Variants in LRFN2 observed in about 807,000 individuals in gnomAD.
LRFN2 encodes the protein leucine-rich repeat and fibronectin type-III domain-containing protein 2.
LRFN2 carries 18 observed loss-of-function variants against 37.3 expected under a neutral mutation model. The observed-to-expected ratio is 0.48, with a 90% CI of 0.33 to 0.72. The LOEUF is 0.72. LRFN2 is among the 30% of genes least tolerant of loss of function. The pLI, the probability that LRFN2 is intolerant of heterozygous loss-of-function variation, is 0.02. For synonymous variants in LRFN2, 556 were observed against 466.6 expected (o/e 1.19, Z -2.47); for missense variants, 1,006 against 1,060.7 (o/e 0.95, Z 0.72).
chr6:40,566,979 G>T (rs1767102322), intron 1 of LRFN2, among the ~76,000 whole-genome samples: 2 of 152,306 alleles, frequency 1.3e-5, no homozygotes, highest in East Asian at 1.9e-4. Context: ...ACCACTTAAA[G>T]TATGTTGACA....
chr6:40,408,693 G>T (rs985395436), intron 2 of LRFN2, among the ~76,000 whole-genome samples: 6 of 152,198 alleles, frequency 3.9e-5, no homozygotes, highest in Non-Finnish European at 7.3e-5. Flanking sequence ...TACCTACTGT[G>T]TAGGAATATA....
At chr6:40,498,385 C>T (rs546674118) in intron 1 of LRFN2, among the ~76,000 whole-genome samples, 1 of 152,078 alleles carries the variant, frequency 6.6e-6, no homozygotes, top group African/African-American at 2.4e-5. Flanking sequence ...GGGCCATTGG[C>T]GGAGAGTCCA....
chr6:40,556,184 T>C (rs977552195), intron 1 of LRFN2, among the ~76,000 whole-genome samples: 3 of 152,124 alleles, frequency 2.0e-5, no homozygotes, highest in Admixed American at 2.0e-4. Context: ...CTGGGAGAGC[T>C]GGGAGGAGCC....
At position 40,460,779 on chromosome 6, in the gene LRFN2, A is replaced by G. The variant is rs369100261; in HGVS notation, c.-18-27648T>C. Among the ~76,000 whole-genome samples the G allele has an allele frequency of 1.6e-4, 25 of 152,322 alleles. 1 individual carries two copies. Among genetic ancestry groups the G allele is most frequent in the East Asian group, 1.5e-3 (8 of 5,176 alleles). On this transcript the variant is annotated intron_variant, in intron 1 of 2. Transcript: ENST00000338305. ...CCACAGAAAGATGAGGAGACTTCAT[A>G]GTCTCCCAGCTGCTTGAGGACAGCA...
intron 2 of LRFN2, among the ~76,000 whole-genome samples, chr6:40,409,111 G>A (rs1762907188): frequency 6.6e-6 from 1 of 152,202 alleles, no homozygotes; most frequent in South Asian, 2.1e-4. Context: ...GAATCTCAAA[G>A]AGGACACAAG....
At chr6:40,580,884 T>C (rs1301443063) in intron 1 of LRFN2, among the ~76,000 whole-genome samples, 3 of 152,188 alleles carry the variant, frequency 2.0e-5, no homozygotes, top group Admixed American at 1.3e-4. Flanking sequence ...TTTGGGAGTG[T>C]GTATATGTAT....
intron 2 of LRFN2, among the ~76,000 whole-genome samples, chr6:40,427,531 G>A (rs779261970): frequency 1.3e-5 from 2 of 152,192 alleles, no homozygotes; most frequent in Non-Finnish European, 2.9e-5. Flanking sequence ...TGAATGGCAA[G>A]GAGGCAGACA....
intron 1 of LRFN2, among the ~76,000 whole-genome samples, chr6:40,561,364 G>A (rs761053060): frequency 1.4e-4 from 22 of 152,212 alleles, no homozygotes; most frequent in Non-Finnish European, 3.1e-4. Flanking sequence ...AGTAGATGGA[G>A]AAACTGAAGT....
chr6:40,575,550 T>C (rs1236866416), intron 1 of LRFN2, among the ~76,000 whole-genome samples: 1 of 152,184 alleles, frequency 6.6e-6, no homozygotes, highest in Non-Finnish European at 1.5e-5. Flanking sequence ...CTGTGGATAT[T>C]GGGGTAAAGG....
intron 2 of LRFN2, among the ~76,000 whole-genome samples, chr6:40,427,130 T>C (rs900983790): frequency 6.6e-6 from 1 of 152,252 alleles, no homozygotes; most frequent in Non-Finnish European, 1.5e-5. Flanking sequence ...AATTGATTGA[T>C]AGTTTTGTTG....
At chr6:40,399,979 A>G (rs1424840247) in intron 2 of LRFN2, among the ~76,000 whole-genome samples, 2 of 151,826 alleles carry the variant, frequency 1.3e-5, no homozygotes, top group East Asian at 3.8e-4. Flanking sequence ...CTCCCCCAGT[A>G]AGCCAACTTG....
intron 1 of LRFN2, among the ~76,000 whole-genome samples, chr6:40,536,668 C>A (rs1715219629): frequency 6.6e-6 from 1 of 152,120 alleles, no homozygotes; most frequent in Non-Finnish European, 1.5e-5. Flanking sequence ...GGAGAGCTTG[C>A]CTGCAGGGAC....
intron 1 of LRFN2, among the ~76,000 whole-genome samples, chr6:40,576,717 C>T (rs1431128374): frequency 6.6e-6 from 1 of 152,188 alleles, no homozygotes; most frequent in African/African-American, 2.4e-5. Context: ...CTTGACTTCT[C>T]TCTCCACCCC....
Position 40,391,848 on chromosome 6 carries a change from A to C in LRFN2, c.*95T>G. On this transcript the variant is annotated 3_prime_UTR_variant, in exon 3 of 3. Transcript: ENST00000338305. ...GGGAGACGAAACTGTCCCTGGATGT[A>C]AACATCACCATGGAAACTCCACAAA... 7.5e-7 allele frequency: 1 copy of C among 1,328,904 alleles called. No homozygotes were observed. Among genetic ancestry groups the C allele is most frequent in the Non-Finnish European group, 1.0e-6 (1 of 989,980 alleles). 82.3% of individuals were successfully genotyped at this position (1,328,904 alleles called of 1,614,324 possible). A position where few individuals can be genotyped will look rare whatever the true frequency, so the allele number is the denominator to read the frequency against.
chr6:40,476,116 G>T (rs551019597), intron 1 of LRFN2, among the ~76,000 whole-genome samples: 1 of 152,152 alleles, frequency 6.6e-6, no homozygotes, highest in South Asian at 2.1e-4. Context: ...GCCTGATTCC[G>T]TTCAGCCCAT....
At position 40,435,052 on chromosome 6, in the gene LRFN2, T is replaced by TATATATATAG. The variant is rs1482968698; in HGVS notation, c.-18-1922_-18-1921insCTATATATAT. Among the ~76,000 whole-genome samples, 58 of 37,528 alleles carry TATATATATAG rather than the reference T, an allele frequency of 1.5e-3. 1 individual carries two copies. Among genetic ancestry groups the TATATATATAG allele is most frequent in the Non-Finnish European group, 2.4e-3 (48 of 20,330 alleles). 24.6% of individuals were successfully genotyped at this position (37,528 alleles called of 152,430 possible). On this transcript the variant is annotated intron_variant, in intron 1 of 2. Transcript: ENST00000338305. ...ATATATATATATATATATATATATATAGAGAGAGAGAGAGAGAGAGAGAGA... is the reference window on the plus strand; with the variant it reads ...ATATATATATATATATATATATATATATATATATAGAGAGAGAGAGAGAGAGAGAGAGAGA...
chr6:40,444,258 C>T (rs965000898), intron 1 of LRFN2, among the ~76,000 whole-genome samples: 6 of 151,544 alleles, frequency 4.0e-5, no homozygotes, highest in Non-Finnish European at 7.4e-5. Flanking sequence ...TATAGGAAAA[C>T]GAAGAAGGGA....
intron 1 of LRFN2, among the ~76,000 whole-genome samples, chr6:40,441,919 C>A (rs115994746): frequency 2.3e-3 from 358 of 152,344 alleles, no homozygotes; most frequent in African/African-American, 7.7e-3. Flanking sequence ...CTGGATGGAA[C>A]CTTCTCACCC....
chr6:40,393,742 C>G (rs1991873), intron 2 of LRFN2, among the ~76,000 whole-genome samples: 131,014 of 152,090 alleles, frequency 0.86, 56,668 homozygotes, highest in Middle Eastern at 0.94. Flanking sequence ...AGATTCATGG[C>G]GATCCCCATC....
Sources: gnomAD v4.1 joint callset for allele counts (sites outside exome capture counted in the v4.1 genomes callset) on GRCh38, gnomAD v4.1.1 for gene constraint, MANE v1.5 for transcripts, NCBI Gene and HGNC (gene_info 2026-07-23, HGNC 2026-07-21) for gene names.